Variants in NEU3 observed in about 807,000 individuals in gnomAD.
NEU3 encodes the protein neuraminidase 3, also known as sialidase-3.
A neutral mutation model predicts 11.4 loss-of-function variants in NEU3; 10 were observed. The observed-to-expected ratio is 0.88, with a 90% confidence interval of 0.54 to 1.49. The LOEUF (loss-of-function observed/expected upper bound fraction) is 1.49, where lower values mean the gene tolerates loss of function less well. NEU3 is among the 40% of genes most tolerant of loss of function. The probability of loss-of-function intolerance (pLI) is 0.00; values close to 1 mark genes in which losing one functional copy is unlikely to be tolerated. For missense variants in NEU3, 529 were observed against 581.8 expected (o/e 0.91, Z 0.93); for synonymous variants, 212 against 228.2 (o/e 0.93, Z 0.64).
chr11:74,993,760 G>A (rs762340330), intron 1 of NEU3, among the ~76,000 whole-genome samples: 1 of 152,134 alleles, frequency 6.6e-6, no homozygotes, highest in Non-Finnish European at 1.5e-5. Context: ...TGCTGGTGGG[G>A]ACTCTGCAGA....
upstream of NEU3, among the ~76,000 whole-genome samples, chr11:74,986,305 C>G (rs1233948641): frequency 6.6e-6 from 1 of 152,180 alleles, no homozygotes; most frequent in Non-Finnish European, 1.5e-5. Context: ...ACATCTAATA[C>G]AGGTAGTGGG....
chr11:74,983,407 C>T (rs193098862), upstream of NEU3, among the ~76,000 whole-genome samples: 76 of 152,322 alleles, frequency 5.0e-4, no homozygotes, highest in African/African-American at 1.7e-3. Flanking sequence ...AACTTAGTTA[C>T]TCCTGTAGTA....
chr11:74,982,428 A>G, the NEU3 span, among the ~76,000 whole-genome samples: 7 of 152,300 alleles, frequency 4.6e-5, no homozygotes, highest in South Asian at 1.5e-3. Context: ...TTAAATTCAT[A>G]TGAAGGAAGA....
chr11:74,994,524 T>G lies in NEU3; in HGVS notation c.110T>G (p.Val37Gly). ...ATCCTTGCAGAGGTCATGGAAGAAG[T>G]GACAACATGCTCCTTCAACAGCCCT... Reference protein sequence around the residue: ...PGSSAEVMEEVTTCSFNSPLF... With the variant: ...PGSSAEVMEEGTTCSFNSPLF... Residue 37 changes from valine (V) to glycine (G), a missense_variant, in exon 2 of 3, where the codon GTG becomes GGG. Coordinates refer to ENST00000294064, the MANE Select transcript of NEU3 (RefSeq NM_006656.6). The G allele has an allele frequency of 6.2e-7, 1 of 1,610,108 alleles. No individual in the cohort carries two copies. Among genetic ancestry groups the G allele is most frequent in the Non-Finnish European group, 8.5e-7 (1 of 1,177,450 alleles).
chr11:74,988,755 A>G (rs574391520), upstream of NEU3: 210 of 403,696 alleles, frequency 5.2e-4, 1 homozygote, highest in African/African-American at 3.9e-3. Context: ...TGAGTTGGCG[A>G]GGGTGGAGGT....
At chr11:74,987,395 T>C (rs909934888), upstream of NEU3, among the ~76,000 whole-genome samples, 5 of 152,214 alleles carry the variant, frequency 3.3e-5, no homozygotes, top group African/African-American at 1.2e-4. Flanking sequence ...TGAAATAGTC[T>C]TTTATGGCTT....
the NEU3 span, among the ~76,000 whole-genome samples, chr11:74,980,807 A>G: frequency 6.6e-6 from 1 of 152,264 alleles, no homozygotes; most frequent in Non-Finnish European, 1.5e-5. Flanking sequence ...TCTAGAAAGA[A>G]GTACTTCCTC....
the NEU3 span, among the ~76,000 whole-genome samples, chr11:74,982,108 G>A: frequency 6.6e-5 from 10 of 152,166 alleles, no homozygotes; most frequent in African/African-American, 2.4e-4. Context: ...ATAAATGATG[G>A]CAGTGATAAG....
At chr11:74,994,876 C>T in intron 2 of NEU3, 156 bp downstream of exon 2, 2 of 739,462 alleles carry the variant, frequency 2.7e-6, no homozygotes, top group Non-Finnish European at 4.8e-6. Flanking sequence ...TCACTGAGTG[C>T]TTATTGTGTG....
chr11:75,019,167 A>G (rs1303228602), downstream of NEU3, among the ~76,000 whole-genome samples: 6 of 152,254 alleles, frequency 3.9e-5, no homozygotes, highest in African/African-American at 1.4e-4. Context: ...AAAGTTCAGA[A>G]AATTTGCAGC....
At chr11:75,001,716 T>C (rs992769042) in intron 2 of NEU3, among the ~76,000 whole-genome samples, 1 of 152,260 alleles carries the variant, frequency 6.6e-6, no homozygotes, top group African/African-American at 2.4e-5. Context: ...TCCAAGACTT[T>C]CATGCTATGT....
At chr11:74,996,577 G>T (rs1486379499) in intron 2 of NEU3, among the ~76,000 whole-genome samples, 1 of 152,084 alleles carries the variant, frequency 6.6e-6, no homozygotes, top group Non-Finnish European at 1.5e-5. Flanking sequence ...ATGAGTATGG[G>T]AATCAACTTC....
Position 75,006,317 on chromosome 11 carries a change from C to T in NEU3, c.1211C>T (p.Ser404Phe), listed in dbSNP as rs777354093. The T allele has an allele frequency of 3.1e-6, 5 of 1,614,010 alleles. No individual in the cohort carries two copies. In the East Asian group the frequency reaches 8.9e-5, roughly 29 times the overall value. ...TTGCACTGTGGGCCCTGTGGCTACT[C>T]TGATCTGGCTGCTCTGGAGGAGGAG... The part of the protein sequence containing the change: ...WILHCGPCGY[S>F]DLAALEEEGL... The change falls in exon 3 of 3, where the codon TCT becomes TTT. Residue 404 changes from serine to phenylalanine, a missense_variant. Coordinates refer to ENST00000294064, the MANE Select transcript of NEU3 (RefSeq NM_006656.6).
At chr11:74,992,933 C>CTGG in intron 1 of NEU3, among the ~76,000 whole-genome samples, 1 of 152,182 alleles carries the variant, frequency 6.6e-6, no homozygotes, top group South Asian at 2.1e-4. Context: ...GCACTCAAGC[C>CTGG]TGGGCAACAA....
chr11:74,994,752 C>T (rs1292733527), intron 2 of NEU3, 32 bp downstream of exon 2: 1 of 1,560,122 alleles, frequency 6.4e-7, no homozygotes, highest in Non-Finnish European at 8.8e-7. Context: ...GAGTCTGGGC[C>T]TCAGTTTCTC....
In NEU3 at chr11:74,994,489, G is replaced by A; in HGVS notation, c.95-20G>A. The A allele has an allele frequency of 6.3e-7, 1 of 1,578,646 alleles. No individual in the cohort carries two copies. Among genetic ancestry groups the A allele is most frequent in the Non-Finnish European group, 8.6e-7 (1 of 1,158,556 alleles). ...GCATCTGGGTATGGACACACATTAA[G>A]CTTCCTTCTATCCTTGCAGAGGTCA... On this transcript the variant is annotated intron_variant, in intron 1 of 2. Coordinates refer to ENST00000294064, the MANE Select transcript of NEU3 (RefSeq NM_006656.6).
chr11:75,001,428 T>C (rs773600037), intron 2 of NEU3, among the ~76,000 whole-genome samples: 20 of 151,958 alleles, frequency 1.3e-4, no homozygotes, highest in Admixed American at 3.9e-4. Context: ...TACAGGTGTG[T>C]GCCACCATGC....
chr11:75,016,023 T>G (rs1373653107), intron 3 of NEU3, among the ~76,000 whole-genome samples: 1 of 152,186 alleles, frequency 6.6e-6, no homozygotes, highest in Non-Finnish European at 1.5e-5. Context: ...CTCGAGTTAC[T>G]TGGGCTGCCA....
chr11:74,995,628 G>A (rs1046011643), intron 2 of NEU3, among the ~76,000 whole-genome samples: 2 of 152,160 alleles, frequency 1.3e-5, no homozygotes, highest in Non-Finnish European at 2.9e-5. Context: ...TAAGTGTGTA[G>A]TAGCATTATG....
Sources: allele counts gnomAD v4.1 joint callset (sites outside exome capture counted in the v4.1 genomes callset), GRCh38; gene constraint gnomAD v4.1.1; transcripts MANE v1.5; gene names NCBI Gene and HGNC (gene_info 2026-07-23, HGNC 2026-07-21).